The following CDH12 variants were observed in gnomAD, a reference collection of about 807,000 sequenced individuals.
CDH12 encodes cadherin 12.
Under a neutral mutation model 74.1 loss-of-function variants are expected in CDH12, and 41 were observed. The observed-to-expected ratio is 0.55, with a 90% CI of 0.43 to 0.72. CDH12 has a LOEUF of 0.72. Among genes scored for constraint, CDH12 ranks in the 30% least tolerant of loss-of-function variants. The pLI is 0.00. For synonymous variants in CDH12, 399 were observed against 355.0 expected, an observed-to-expected ratio of 1.12 and a Z score of -1.39; for missense variants, 945 against 977.2, an observed-to-expected ratio of 0.97 and a Z score of 0.44.
At chr5:22,605,961 C>A (rs1443636857) in intron 1 of CDH12, among the ~76,000 whole-genome samples, 8 of 152,286 alleles carry the variant, frequency 5.3e-5, no homozygotes, top group Non-Finnish European at 1.0e-4. Context: ...GTTGGGGTGG[C>A]CATGGGCAAG....
rs149922002 is a variant in CDH12, at chr5:21,859,393, T to C, written c.527-4603A>G. Among the ~76,000 whole-genome samples the C allele has an allele frequency of 8.1e-3, 1,235 of 151,954 alleles. 11 individuals are homozygous for C. Among genetic ancestry groups the C allele is most frequent in the African/African-American group, 0.028 (1,171 of 41,496 alleles). On this transcript the variant is annotated intron_variant, in intron 6 of 14. Coordinates refer to ENST00000382254, the MANE Select transcript of CDH12 (RefSeq NM_004061.5). ...TCAGATTTCATGAAAACCCACTCAC[T>C]ATCATGAGAACAGCATGGGGGAAAC...
At chr5:22,369,708 C>G (rs910312921) in intron 3 of CDH12, among the ~76,000 whole-genome samples, 3 of 152,220 alleles carry the variant, frequency 2.0e-5, no homozygotes, top group East Asian at 3.9e-4. Flanking sequence ...TTCGAACACA[C>G]AAAATCTCAA....
At chr5:22,827,860 A>C (rs1163732167) in intron 1 of CDH12, among the ~76,000 whole-genome samples, 2 of 152,142 alleles carry the variant, frequency 1.3e-5, no homozygotes, top group Non-Finnish European at 2.9e-5. Context: ...AGGGTACTTC[A>C]AAATTAATAA....
At chr5:22,328,321 ATAT>A (rs1321554109) in intron 3 of CDH12, among the ~76,000 whole-genome samples, 1 of 152,216 alleles carries the variant, frequency 6.6e-6, no homozygotes, top group African/African-American at 2.4e-5. Context: ...ATGCTTTAAA[ATAT>A]TATTTGTTTA....
chr5:22,399,191 T>C (rs1742598941), intron 3 of CDH12, among the ~76,000 whole-genome samples: 1 of 37,362 alleles, frequency 2.7e-5, no homozygotes, highest in African/African-American at 1.0e-4. Context: ...ATCTACCCAG[T>C]ATCTATCTAT....
At chr5:22,662,182 T>C (rs983581048) in intron 1 of CDH12, among the ~76,000 whole-genome samples, 2 of 152,158 alleles carry the variant, frequency 1.3e-5, no homozygotes, top group African/African-American at 4.8e-5. Context: ...AAATGAGATA[T>C]TACCTTTTAA....
At chr5:21,891,379 C>T (rs990714253) in intron 6 of CDH12, among the ~76,000 whole-genome samples, 25 of 152,006 alleles carry the variant, frequency 1.6e-4, no homozygotes, top group African/African-American at 5.8e-4. Context: ...CTTTCATAGG[C>T]TTAGAATTTT....
At chr5:21,932,781 C>T (rs980785016) in intron 6 of CDH12, among the ~76,000 whole-genome samples, 2 of 150,930 alleles carry the variant, frequency 1.3e-5, no homozygotes, top group Non-Finnish European at 1.5e-5. Flanking sequence ...TGCATGTAGT[C>T]CCATCCTGGT....
At chr5:22,762,814 A>G (rs1746297127) in intron 1 of CDH12, among the ~76,000 whole-genome samples, 1 of 152,040 alleles carries the variant, frequency 6.6e-6, no homozygotes, top group South Asian at 2.1e-4. Flanking sequence ...TTATCTGAGC[A>G]AACAATTTGC....
chr5:21,986,954 T>A (rs1206180129), intron 5 of CDH12, among the ~76,000 whole-genome samples: 1 of 152,056 alleles, frequency 6.6e-6, no homozygotes, highest in Non-Finnish European at 1.5e-5. Context: ...GTTCAAATAG[T>A]CCCAAGTGCA....
chr5:22,347,510 T>C (rs1239548529), intron 3 of CDH12, among the ~76,000 whole-genome samples: 5 of 152,172 alleles, frequency 3.3e-5, no homozygotes, highest in Admixed American at 3.3e-4. Context: ...TTTGAGGTTT[T>C]GGGATGCCGC....
chr5:22,134,399 T>C (rs1221324559), intron 4 of CDH12, among the ~76,000 whole-genome samples: 2 of 152,024 alleles, frequency 1.3e-5, no homozygotes, highest in African/African-American at 2.4e-5. Flanking sequence ...AATATAATAT[T>C]TTCTAGGATA....
At chr5:22,463,049 TA>T (rs1233610923) in intron 2 of CDH12, among the ~76,000 whole-genome samples, 3 of 152,026 alleles carry the variant, frequency 2.0e-5, no homozygotes, top group Non-Finnish European at 4.4e-5. Context: ...ATTAATAAAT[TA>T]CAAAAAAGTT....
chr5:22,647,156 C>T (rs954084740), intron 1 of CDH12, among the ~76,000 whole-genome samples: 2 of 151,640 alleles, frequency 1.3e-5, no homozygotes, highest in African/African-American at 4.8e-5. Context: ...TAATATAGAA[C>T]CTTAGTTCAA....
chr5:21,854,264 C>T (rs62348752), intron 7 of CDH12, among the ~76,000 whole-genome samples: 9,378 of 151,516 alleles, frequency 0.062, 360 homozygotes, highest in East Asian at 0.14. Flanking sequence ...CATTAATAAC[C>T]CTTATATATA....
chr5:22,821,529 C>A (rs1391674631), intron 1 of CDH12, among the ~76,000 whole-genome samples: 1 of 152,156 alleles, frequency 6.6e-6, no homozygotes. Context: ...TAAGCAACTC[C>A]AGCAAAGTCT....
At chr5:21,755,302 A>G (rs573781769) in intron 14 of CDH12, among the ~76,000 whole-genome samples, 1 of 152,318 alleles carries the variant, frequency 6.6e-6, no homozygotes, top group African/African-American at 2.4e-5. Flanking sequence ...AAGGGTCACA[A>G]ACTATTATTA....
intron 1 of CDH12, among the ~76,000 whole-genome samples, chr5:22,653,852 A>G (rs1739868545): frequency 6.6e-6 from 1 of 152,174 alleles, no homozygotes; most frequent in Non-Finnish European, 1.5e-5. Flanking sequence ...ATGGTATTTC[A>G]TTCAGATATT....
chr5:21,885,038 C>A (rs1304712233), intron 6 of CDH12, among the ~76,000 whole-genome samples: 1 of 152,038 alleles, frequency 6.6e-6, no homozygotes, highest in Non-Finnish European at 1.5e-5. Flanking sequence ...AGGCATGCAC[C>A]ACCATGCCCA....
Sources: allele counts gnomAD v4.1 joint callset (sites outside exome capture counted in the v4.1 genomes callset), GRCh38; gene constraint gnomAD v4.1.1; transcripts MANE v1.5; gene names NCBI Gene and HGNC (gene_info 2026-07-23, HGNC 2026-07-21).